Variants in PPARGC1A observed in about 807,000 individuals in gnomAD.
PPARGC1A encodes PPARG coactivator 1 alpha.
Under a neutral mutation model 88.7 loss-of-function variants are expected in PPARGC1A, and 25 were observed. The ratio of observed to expected loss-of-function variants is 0.28; its 90% CI spans 0.21 to 0.39. PPARGC1A has a LOEUF of 0.39. PPARGC1A is among the 10% of genes least tolerant of loss of function. The pLI, the probability that PPARGC1A is intolerant of heterozygous loss-of-function variation, is 1.00. For missense variants in PPARGC1A, 880 were observed against 968.7 expected, an observed-to-expected ratio of 0.91 and a Z score of 1.22; for synonymous variants, 363 against 355.6, an observed-to-expected ratio of 1.02 and a Z score of -0.24.
At chr4:24,035,368 C>A in the PPARGC1A span, among the ~76,000 whole-genome samples, 1 of 151,734 alleles carries the variant, frequency 6.6e-6, no homozygotes, top group Admixed American at 6.6e-5. Flanking sequence ...GGTTAAACCC[C>A]GTCTCTACTA....
At chr4:24,446,728 C>G in the PPARGC1A span, among the ~76,000 whole-genome samples, 1 of 151,618 alleles carries the variant, frequency 6.6e-6, no homozygotes, top group Non-Finnish European at 1.5e-5. Context: ...TCCTGAGTAG[C>G]TGGGATTACA....
the PPARGC1A span, among the ~76,000 whole-genome samples, chr4:24,064,339 T>TTAG: frequency 6.6e-6 from 1 of 152,066 alleles, no homozygotes; most frequent in Admixed American, 6.6e-5. Flanking sequence ...CTCTGGAGAC[T>TTAG]TGGTTGAGGT....
chr4:23,808,760 T>TAATTA (rs1421928624), intron 10 of PPARGC1A, among the ~76,000 whole-genome samples: 4 of 152,196 alleles, frequency 2.6e-5, no homozygotes, highest in Non-Finnish European at 5.9e-5. Context: ...TAATTATTAG[T>TAATTA]GTTCTCTTTG....
At chr4:24,182,751 C>T in the PPARGC1A span, among the ~76,000 whole-genome samples, 1 of 151,990 alleles carries the variant, frequency 6.6e-6, no homozygotes, top group African/African-American at 2.4e-5. Context: ...ATGCTTGGTA[C>T]CCCACTTTAA....
upstream of PPARGC1A, among the ~76,000 whole-genome samples, chr4:23,900,149 T>G (rs1384328623): frequency 2.6e-5 from 4 of 152,210 alleles, no homozygotes. Flanking sequence ...AAAGCCACTT[T>G]AAGTTTCTCG....
intron 12 of PPARGC1A, among the ~76,000 whole-genome samples, chr4:23,798,617 A>G (rs1718071197): frequency 6.6e-6 from 1 of 152,212 alleles, no homozygotes; most frequent in South Asian, 2.1e-4. Context: ...GTTATGTAAC[A>G]TAACTAATTC....
At chr4:23,966,337 C>A in the PPARGC1A span, among the ~76,000 whole-genome samples, 1 of 152,174 alleles carries the variant, frequency 6.6e-6, no homozygotes, top group Non-Finnish European at 1.5e-5. Flanking sequence ...CCACTAGCCA[C>A]CCCTGTGTGG....
chr4:23,889,860 A>G, intron 1 of PPARGC1A, 44 bp downstream of exon 1: 1 of 1,601,936 alleles, frequency 6.2e-7, no homozygotes. Context: ...CATCTGAGGG[A>G]AGCGTCAGTT....
the PPARGC1A span, among the ~76,000 whole-genome samples, chr4:24,433,676 T>G: frequency 6.6e-6 from 1 of 152,164 alleles, no homozygotes; most frequent in South Asian, 2.1e-4. Context: ...GATGCTATGT[T>G]GCAGCCATAA....
At chr4:24,183,852 A>G in the PPARGC1A span, among the ~76,000 whole-genome samples, 1 of 152,218 alleles carries the variant, frequency 6.6e-6, no homozygotes, top group African/African-American at 2.4e-5. Flanking sequence ...GCTTCTGGGA[A>G]ATGATCAGTT....
At chr4:24,318,272 C>T in the PPARGC1A span, among the ~76,000 whole-genome samples, 11 of 152,280 alleles carry the variant, frequency 7.2e-5, no homozygotes, top group African/African-American at 2.2e-4. Flanking sequence ...ACTGTTTCTC[C>T]GGGCCTCAAT....
the PPARGC1A span, among the ~76,000 whole-genome samples, chr4:24,381,944 A>G: frequency 6.6e-6 from 1 of 152,216 alleles, no homozygotes; most frequent in African/African-American, 2.4e-5. Context: ...AGGAACTTCA[A>G]TCCATATTGA....
the PPARGC1A span, among the ~76,000 whole-genome samples, chr4:24,215,045 T>C: frequency 1.3e-5 from 2 of 152,116 alleles, no homozygotes; most frequent in Non-Finnish European, 2.9e-5. Context: ...TAATCACCAT[T>C]GAACAGAGCC....
chr4:24,437,795 A>G, the PPARGC1A span, among the ~76,000 whole-genome samples: 1 of 151,760 alleles, frequency 6.6e-6, no homozygotes, highest in African/African-American at 2.4e-5. Flanking sequence ...ACCCACCACC[A>G]CATCCAGCTA....
the PPARGC1A span, among the ~76,000 whole-genome samples, chr4:24,435,786 A>G: frequency 2.0e-4 from 30 of 152,364 alleles, no homozygotes; most frequent in East Asian, 5.2e-3. Context: ...AGGTTCAAGG[A>G]AGACAAATCA....
At chr4:24,452,530 C>T in the PPARGC1A span, among the ~76,000 whole-genome samples, 1 of 152,188 alleles carries the variant, frequency 6.6e-6, no homozygotes, top group Non-Finnish European at 1.5e-5. Context: ...TGTTGACAGC[C>T]AGCTAAAAGA....
chr4:23,938,823 T>G, the PPARGC1A span, among the ~76,000 whole-genome samples: 1 of 152,170 alleles, frequency 6.6e-6, no homozygotes, highest in African/African-American at 2.4e-5. Context: ...CCCATCCCCC[T>G]AGGACATGAC....
chr4:24,436,624 G>A, the PPARGC1A span, among the ~76,000 whole-genome samples: 212 of 120,222 alleles, frequency 1.8e-3, no homozygotes, highest in African/African-American at 6.5e-3. Context: ...CCCAGAGCCC[G>A]GGTCACATTG....
the PPARGC1A span, among the ~76,000 whole-genome samples, chr4:24,055,838 C>T: frequency 6.6e-6 from 1 of 152,310 alleles, no homozygotes; most frequent in Admixed American, 6.5e-5. Context: ...AGTAGCCTGG[C>T]ACCAAGTCGC....
Sources: allele counts gnomAD v4.1 joint callset (sites outside exome capture counted in the v4.1 genomes callset), GRCh38; gene constraint gnomAD v4.1.1; transcripts MANE v1.5; gene names NCBI Gene and HGNC (gene_info 2026-07-23, HGNC 2026-07-21).